The following HPSE2 variants were observed in gnomAD, a reference collection of about 807,000 sequenced individuals.
The protein encoded by HPSE2 is heparanase 2 (inactive), also known as inactive heparanase-2.
Under a neutral mutation model 60.5 loss-of-function variants are expected in HPSE2, and 38 were observed. The ratio of observed to expected loss-of-function variants is 0.63; its 90% confidence interval spans 0.48 to 0.82. The LOEUF (loss-of-function observed/expected upper bound fraction) is 0.82, where lower values mean the gene tolerates loss of function less well. Among genes scored for constraint, HPSE2 ranks in the 40% least tolerant of loss-of-function variants. The pLI, the probability that HPSE2 is intolerant of heterozygous loss-of-function variation, is 0.00. For missense variants in HPSE2, 713 were observed against 740.4 expected, an observed-to-expected ratio of 0.96 and a Z score of 0.43; for synonymous variants, 295 against 293.2, an observed-to-expected ratio of 1.01 and a Z score of -0.06.
At chr10:98,829,395 G>A (rs552204182) in intron 3 of HPSE2, among the ~76,000 whole-genome samples, 1 of 152,096 alleles carries the variant, frequency 6.6e-6, no homozygotes, top group African/African-American at 2.4e-5. Context: ...AGGTGTGGTG[G>A]CGTGGTGAGG....
intron 5 of HPSE2, among the ~76,000 whole-genome samples, chr10:98,695,875 T>A (rs1948198952): frequency 6.6e-6 from 1 of 152,188 alleles, no homozygotes; most frequent in African/African-American, 2.4e-5. Flanking sequence ...ATGCAGTATT[T>A]GCCTTTTCCT....
intron 3 of HPSE2, among the ~76,000 whole-genome samples, chr10:99,034,295 A>G (rs1957561810): frequency 6.6e-6 from 1 of 152,222 alleles, no homozygotes; most frequent in Non-Finnish European, 1.5e-5. Flanking sequence ...TGACGTTGGA[A>G]AAAGGCAAAC....
the HPSE2 span, among the ~76,000 whole-genome samples, chr10:99,314,273 C>T: frequency 1.3e-5 from 2 of 152,300 alleles, no homozygotes; most frequent in African/African-American, 4.8e-5. Flanking sequence ...AGCCATTCTC[C>T]CACCTCAGCT....
At chr10:98,873,746 G>A (rs1264128079) in intron 3 of HPSE2, among the ~76,000 whole-genome samples, 3 of 151,948 alleles carry the variant, frequency 2.0e-5, no homozygotes, top group Non-Finnish European at 2.9e-5. Flanking sequence ...GGGATTGCTG[G>A]GTCAAATGGT....
chr10:99,012,748 G>T (rs1197987440), intron 3 of HPSE2, among the ~76,000 whole-genome samples: 1 of 152,098 alleles, frequency 6.6e-6, no homozygotes, highest in Non-Finnish European at 1.5e-5. Context: ...GGACCAAGAA[G>T]AGAATAACAC....
intron 2 of HPSE2, among the ~76,000 whole-genome samples, chr10:99,200,776 G>A (rs993814604): frequency 1.3e-5 from 2 of 152,086 alleles, no homozygotes; most frequent in African/African-American, 4.8e-5. Context: ...GTTAGGTTTA[G>A]CAGCACATTA....
chr10:99,173,943 CAAAAAAAAAAAAAAA>C (rs61074165), intron 2 of HPSE2, among the ~76,000 whole-genome samples: 1 of 99,958 alleles, frequency 1.0e-5, no homozygotes, highest in Non-Finnish European at 1.8e-5. Flanking sequence ...GACTCTGTCT[CAAAAAAAAAAAAAAA>C]AAAAAAAAAA....
At chr10:98,941,012 G>A (rs1954980993) in intron 3 of HPSE2, among the ~76,000 whole-genome samples, 1 of 128,702 alleles carries the variant, frequency 7.8e-6, no homozygotes, top group Non-Finnish European at 1.6e-5. Context: ...ATGCAGAAAA[G>A]GCCTTTCACA....
intron 2 of HPSE2, among the ~76,000 whole-genome samples, chr10:99,183,736 C>T (rs1451961823): frequency 6.6e-6 from 1 of 152,182 alleles, no homozygotes; most frequent in Non-Finnish European, 1.5e-5. Context: ...AGGACCTAGA[C>T]CAAACCCCTG....
chr10:98,683,711 A>G (rs1947842519), intron 6 of HPSE2, among the ~76,000 whole-genome samples: 1 of 152,064 alleles, frequency 6.6e-6, no homozygotes, highest in Non-Finnish European at 1.5e-5. Flanking sequence ...TATCTGACTA[A>G]TAAAAATTTC....
intron 9 of HPSE2, among the ~76,000 whole-genome samples, chr10:98,514,007 T>G (rs1258428094): frequency 6.6e-6 from 1 of 151,752 alleles, no homozygotes; most frequent in Non-Finnish European, 1.5e-5. Context: ...AGCCCAAGAG[T>G]CCATCAACAG....
intron 9 of HPSE2, among the ~76,000 whole-genome samples, chr10:98,612,443 A>G (rs1945787419): frequency 6.6e-6 from 1 of 152,212 alleles, no homozygotes; most frequent in Non-Finnish European, 1.5e-5. Flanking sequence ...AATTATGACA[A>G]ATTGCAATTC....
chr10:98,488,799 G>T (rs1564913790), intron 10 of HPSE2, among the ~76,000 whole-genome samples: 1 of 152,214 alleles, frequency 6.6e-6, no homozygotes, highest in South Asian at 2.1e-4. Context: ...TCAGGTATTG[G>T]ATTGAGCTTC....
At chr10:99,084,392 A>G (rs949215547) in intron 3 of HPSE2, among the ~76,000 whole-genome samples, 1 of 152,146 alleles carries the variant, frequency 6.6e-6, no homozygotes, top group African/African-American at 2.4e-5. Context: ...TTTTATGCAA[A>G]TATGTGTTGG....
chr10:99,207,715 AC>A (rs1275608627), intron 2 of HPSE2, among the ~76,000 whole-genome samples: 1 of 152,110 alleles, frequency 6.6e-6, no homozygotes, highest in African/African-American at 2.4e-5. Flanking sequence ...GATCGAAGTT[AC>A]TACAGTTTTA....
At chr10:99,226,290 C>A (rs17111317) in intron 2 of HPSE2, among the ~76,000 whole-genome samples, 5,550 of 152,110 alleles carry the variant, frequency 0.036, 303 homozygotes, top group African/African-American at 0.11. Context: ...CCCTGGCAAA[C>A]TATTATATTC....
chr10:99,202,781 C>A (rs1238668150), intron 2 of HPSE2, among the ~76,000 whole-genome samples: 1 of 152,112 alleles, frequency 6.6e-6, no homozygotes, highest in South Asian at 2.1e-4. Context: ...CACAAACGAA[C>A]CTTCACAATA....
chr10:99,221,235 A>G (rs180944820), intron 2 of HPSE2, among the ~76,000 whole-genome samples: 16 of 152,316 alleles, frequency 1.1e-4, no homozygotes, highest in African/African-American at 2.9e-4. Flanking sequence ...GAAAAGCATA[A>G]ATCTGTAGAA....
chr10:98,739,550 T>C lies in HPSE2; in HGVS notation c.784+4333A>G, dbSNP rs1949444188. On this transcript the variant is annotated intron_variant, in intron 4 of 11. Coordinates refer to ENST00000370552, the MANE Select transcript of HPSE2 (RefSeq NM_021828.5). ...AAAAGCTTAATAAATATTGAGGGAA[T>C]GCATTAATCAAGCTGTGCTGCCAGA... Among the ~76,000 whole-genome samples, 5 of 152,138 alleles carry C rather than the reference T, an allele frequency of 3.3e-5. No individual in the cohort carries two copies. In the South Asian group the frequency reaches 1.0e-3, roughly 31 times the overall value.
Sources: gnomAD v4.1 joint callset for allele counts (sites outside exome capture counted in the v4.1 genomes callset) on GRCh38, gnomAD v4.1.1 for gene constraint, MANE v1.5 for transcripts, NCBI Gene and HGNC (gene_info 2026-07-23, HGNC 2026-07-21) for gene names.